The following THADA variants were observed in gnomAD, a reference collection of about 807,000 sequenced individuals.
The protein encoded by THADA is THADA armadillo repeat containing.
Under a neutral mutation model 219.8 loss-of-function variants are expected in THADA, and 213 were observed. The ratio of observed to expected loss-of-function variants is 0.97; its 90% CI spans 0.87 to 1.09. THADA has a LOEUF of 1.09. Ranked by LOEUF, THADA falls within the 50% of genes least tolerant of loss-of-function variation. The pLI, the probability that THADA is intolerant of heterozygous loss-of-function variation, is 0.00. For missense variants in THADA, 2,956 were observed against 2,311.3 expected (o/e 1.28, Z -5.72); for synonymous variants, 1,018 against 828.9 (o/e 1.23, Z -3.92).
intron 15 of THADA, among the ~76,000 whole-genome samples, chr2:43,560,860 C>T (rs6544672): frequency 0.33 from 50,453 of 151,414 alleles, 8,736 homozygotes; most frequent in African/African-American, 0.42. Flanking sequence ...CTACTAAAAA[C>T]ACAAAAATTA....
rs141027200 is a variant in THADA at position 43,469,638 on chromosome 2, C to G, written c.3836+15596G>C. 4.6e-5 allele frequency among the ~76,000 whole-genome samples: 7 copies of G among 152,120 alleles called. No individual in the cohort carries two copies. In the East Asian group the frequency reaches 1.4e-3, roughly 29 times the overall value. ...CATTGAATGTTTATATTCTTTAACC[C>G]AGCATTTTCGCTGCTGATCATTTAT... On this transcript the variant is annotated intron_variant, in intron 26 of 37. Transcript: ENST00000405975.
At chr2:43,347,654 G>T (rs1667784420) in intron 29 of THADA, among the ~76,000 whole-genome samples, 1 of 152,102 alleles carries the variant, frequency 6.6e-6, no homozygotes, top group South Asian at 2.1e-4. Context: ...GAAAGAGGTG[G>T]GGAGGAGAAA....
At chr2:43,514,118 G>T (rs569737882) in intron 22 of THADA, among the ~76,000 whole-genome samples, 12 of 150,598 alleles carry the variant, frequency 8.0e-5, no homozygotes, top group African/African-American at 2.9e-4. Context: ...AGTGAAATAA[G>T]AACAGGCATG....
At chr2:43,548,257 A>C (rs1483555522) in intron 20 of THADA, among the ~76,000 whole-genome samples, 1 of 152,072 alleles carries the variant, frequency 6.6e-6, no homozygotes, top group Non-Finnish European at 1.5e-5. Context: ...CGGCCATGTG[A>C]GGTGTCAGTC....
chr2:43,571,913 C>T, intron 12 of THADA, 51 bp from the exon 13 acceptor site: 5 of 1,571,034 alleles, frequency 3.2e-6, no homozygotes, highest in Non-Finnish European at 4.3e-6. Flanking sequence ...ATAAGCAAAG[C>T]CTAAATCACT....
chr2:43,524,186 T>C (rs1692858613), intron 22 of THADA, among the ~76,000 whole-genome samples: 1 of 152,190 alleles, frequency 6.6e-6, no homozygotes, highest in South Asian at 2.1e-4. Flanking sequence ...CATAAAAAAA[T>C]CAGATTACAG....
chr2:43,569,445 C>T (rs1001364536), intron 14 of THADA, among the ~76,000 whole-genome samples: 9 of 152,188 alleles, frequency 5.9e-5, no homozygotes, highest in Non-Finnish European at 1.2e-4. Context: ...GTTGACGAGA[C>T]TCAAGTCAGC....
At chr2:43,592,287 A>G in intron 2 of THADA, 30 bp downstream of exon 2, 3 of 1,533,082 alleles carry the variant, frequency 2.0e-6, no homozygotes, top group Non-Finnish European at 2.6e-6. Context: ...CTAGAAAAAA[A>G]TATAATAAGG....
At chr2:43,492,467 T>C (rs1256813272) in intron 25 of THADA, among the ~76,000 whole-genome samples, 4 of 152,166 alleles carry the variant, frequency 2.6e-5, no homozygotes, top group African/African-American at 9.7e-5. Context: ...TGAAAAATAT[T>C]TGAAAAGTAT....
At chr2:43,274,989 T>TTTTC in intron 36 of THADA, among the ~76,000 whole-genome samples, 1 of 125,964 alleles carries the variant, frequency 7.9e-6, no homozygotes, top group African/African-American at 3.5e-5. Flanking sequence ...CTTTCTTTTC[T>TTTTC]TTTCTTTTCT....
At chr2:43,540,619 A>G (rs1042309930) in intron 21 of THADA, among the ~76,000 whole-genome samples, 1 of 152,210 alleles carries the variant, frequency 6.6e-6, no homozygotes. Context: ...ATATTTCCAA[A>G]TGAAATGCTT....
chr2:43,475,406 G>A (rs1323745111), intron 26 of THADA, among the ~76,000 whole-genome samples: 5 of 131,750 alleles, frequency 3.8e-5, no homozygotes, highest in Admixed American at 8.6e-5. Flanking sequence ...CTGGGCGACA[G>A]AGCTAGGCCC....
rs551717921 is a variant in THADA, at chr2:43,273,282, A to G, written c.5296+6483T>C. 7.4e-4 allele frequency among the ~76,000 whole-genome samples: 112 copies of G among 152,222 alleles called. 1 individual carries two copies. Among genetic ancestry groups the G allele is most frequent in the South Asian group, 3.1e-3 (15 of 4,824 alleles). On this transcript the variant is annotated intron_variant, in intron 36 of 37. Transcript: ENST00000405975. ...ACAACAACAACAACAAAAAAAAAAAAAAGAAGAAAAAGAAATGATGGAGGC... is the reference window on the plus strand; with the variant it reads ...ACAACAACAACAACAAAAAAAAAAAGAAGAAGAAAAAGAAATGATGGAGGC...
chr2:43,473,455 C>T lies in THADA; in HGVS notation c.3836+11779G>A, dbSNP rs1404470634. On this transcript the variant is annotated intron_variant, in intron 26 of 37. Transcript: ENST00000405975. ...AACGACACCCTCTTCTGGATACCCCCGAAGGACCCGCCCGAGCCAGTTTTA... is the reference window on the plus strand; with the variant it reads ...AACGACACCCTCTTCTGGATACCCCTGAAGGACCCGCCCGAGCCAGTTTTA... Among the ~76,000 whole-genome samples the T allele has an allele frequency of 2.6e-5, 4 of 152,134 alleles. No homozygotes were observed. The South Asian group carries it at 8.3e-4, about 32-fold the overall frequency.
At chr2:43,260,554 C>A (rs544003540) in intron 36 of THADA, among the ~76,000 whole-genome samples, 1 of 152,318 alleles carries the variant, frequency 6.6e-6, no homozygotes, top group South Asian at 2.1e-4. Flanking sequence ...CAAGTACTTC[C>A]TCTGAAGACA....
chr2:43,313,913 T>C (rs1677789496), intron 31 of THADA, among the ~76,000 whole-genome samples: 1 of 152,188 alleles, frequency 6.6e-6, no homozygotes, highest in South Asian at 2.1e-4. Context: ...TTAGCACACA[T>C]GGGATGTTAG....
At chr2:43,449,800 C>G (rs12105399) in intron 26 of THADA, among the ~76,000 whole-genome samples, 16,768 of 152,036 alleles carry the variant, frequency 0.11, 1,045 homozygotes, top group African/African-American at 0.16. Flanking sequence ...TACATGCAAA[C>G]GGTCCTGAAT....
chr2:43,470,265 T>C (rs1041698236), intron 26 of THADA, among the ~76,000 whole-genome samples: 3 of 142,380 alleles, frequency 2.1e-5, no homozygotes, highest in Non-Finnish European at 4.6e-5. Flanking sequence ...AATATGTAAA[T>C]AGAGTCTGAG....
At chr2:43,585,839 C>G (rs1700965366) in intron 7 of THADA, among the ~76,000 whole-genome samples, 1 of 151,886 alleles carries the variant, frequency 6.6e-6, no homozygotes, top group Non-Finnish European at 1.5e-5. Flanking sequence ...TTCACTTATT[C>G]TCATAACAAT....
Sources: gnomAD v4.1 joint callset for allele counts (sites outside exome capture counted in the v4.1 genomes callset) on GRCh38, gnomAD v4.1.1 for gene constraint, MANE v1.5 for transcripts, NCBI Gene and HGNC (gene_info 2026-07-23, HGNC 2026-07-21) for gene names.